Variants in TRMT11 observed in about 807,000 individuals in gnomAD.
TRMT11 encodes tRNA methyltransferase 11.
A neutral mutation model predicts 62.8 loss-of-function variants in TRMT11; 53 were observed. The observed-to-expected ratio is 0.84, with a 90% CI of 0.68 to 1.06. TRMT11 has a LOEUF of 1.06. Ranked by LOEUF, TRMT11 falls within the 50% of genes least tolerant of loss-of-function variation. TRMT11 has a pLI of 0.00. For missense variants in TRMT11, 556 were observed against 553.4 expected (o/e 1.00, Z -0.05); for synonymous variants, 188 against 190.3 (o/e 0.99, Z 0.10).
chr6:126,092,709 A>G (rs1318117889), intron 17 of TRMT11, among the ~76,000 whole-genome samples: 1 of 152,068 alleles, frequency 6.6e-6, no homozygotes, highest in East Asian at 1.9e-4. Context: ...TTTTGTTATG[A>G]TATTTGGAAT....
chr6:126,099,485 ACT>A (rs780563164), intron 17 of TRMT11, among the ~76,000 whole-genome samples: 5 of 152,206 alleles, frequency 3.3e-5, no homozygotes, highest in African/African-American at 4.8e-5. Flanking sequence ...TTTCCAGATG[ACT>A]CTGATCTACT....
intron 21 of TRMT11, among the ~76,000 whole-genome samples, chr6:126,127,777 G>A (rs1318114478): frequency 6.0e-5 from 9 of 151,134 alleles, no homozygotes; most frequent in Non-Finnish European, 7.4e-5. Context: ...GCCCGATCTC[G>A]TCCAAATCTT....
At chr6:126,202,900 T>G (rs997847929), downstream of TRMT11, among the ~76,000 whole-genome samples, 13 of 152,174 alleles carry the variant, frequency 8.5e-5, no homozygotes, top group African/African-American at 2.9e-4. Flanking sequence ...TTTATAGAAT[T>G]AGGATGATTT....
intron 21 of TRMT11, among the ~76,000 whole-genome samples, chr6:126,145,344 A>G (rs184061400): frequency 2.6e-5 from 4 of 152,280 alleles, no homozygotes; most frequent in East Asian, 1.9e-4. Flanking sequence ...AAAGAAAGAG[A>G]GCACAGAGAA....
At chr6:126,187,279 T>C (rs1337799253) in intron 1 of TRMT11, among the ~76,000 whole-genome samples, 2 of 151,948 alleles carry the variant, frequency 1.3e-5, no homozygotes, top group African/African-American at 2.4e-5. Flanking sequence ...AGATCCAAGA[T>C]TGATATAAAA....
At chr6:126,108,617 T>A (rs1777491716) in intron 17 of TRMT11, among the ~76,000 whole-genome samples, 1 of 152,186 alleles carries the variant, frequency 6.6e-6, no homozygotes, top group African/African-American at 2.4e-5. Flanking sequence ...AATCCACTCT[T>A]CACTGAGCTG....
intron 17 of TRMT11, among the ~76,000 whole-genome samples, chr6:126,100,543 G>T (rs765868069): frequency 5.3e-5 from 8 of 152,170 alleles, no homozygotes; most frequent in Admixed American, 4.6e-4. Context: ...GTGCTGTATG[G>T]ATTTGCTACA....
intron 17 of TRMT11, among the ~76,000 whole-genome samples, chr6:126,084,510 T>C (rs1434710467): frequency 6.6e-6 from 1 of 152,158 alleles, no homozygotes. Flanking sequence ...TTCCAATCCA[T>C]AGGCTACTGT....
downstream of TRMT11, among the ~76,000 whole-genome samples, chr6:126,207,318 G>T (rs1778800085): frequency 6.6e-6 from 1 of 152,156 alleles, no homozygotes; most frequent in East Asian, 1.9e-4. Context: ...GCTGGTAGAA[G>T]ACAAATCAGG....
At chr6:126,134,190 C>T (rs1003744535) in intron 21 of TRMT11, among the ~76,000 whole-genome samples, 2 of 151,802 alleles carry the variant, frequency 1.3e-5, no homozygotes, top group Non-Finnish European at 2.9e-5. Flanking sequence ...AAATTAGTCA[C>T]TTAAAAGACA....
At chr6:126,084,584 G>T (rs918716726) in intron 17 of TRMT11, among the ~76,000 whole-genome samples, 1 of 152,022 alleles carries the variant, frequency 6.6e-6, no homozygotes, top group Non-Finnish European at 1.5e-5. Flanking sequence ...TCTCATTTAT[G>T]TATTTTGCTT....
the TRMT11 span, among the ~76,000 whole-genome samples, chr6:126,243,790 G>A: frequency 6.6e-6 from 1 of 152,154 alleles, no homozygotes; most frequent in East Asian, 1.9e-4. Flanking sequence ...TGTGGGGTGG[G>A]CGGAGGTGGG....
chr6:126,123,308 G>A (rs1413692792), intron 21 of TRMT11, among the ~76,000 whole-genome samples: 1 of 152,014 alleles, frequency 6.6e-6, no homozygotes, highest in African/African-American at 2.4e-5. Flanking sequence ...ATCTTTTGGG[G>A]GCAGGAAGGG....
At chr6:126,028,625 G>A (rs1773626064) in intron 12 of TRMT11, among the ~76,000 whole-genome samples, 1 of 152,024 alleles carries the variant, frequency 6.6e-6, no homozygotes, top group South Asian at 2.1e-4. Context: ...ACTTTTTCTT[G>A]AGTTTACATC....
At chr6:126,036,768 A>T (rs1775266958) in intron 12 of TRMT11, among the ~76,000 whole-genome samples, 1 of 152,090 alleles carries the variant, frequency 6.6e-6, no homozygotes, top group Non-Finnish European at 1.5e-5. Context: ...TACCTGGAGG[A>T]GTAGTTGATG....
At chr6:126,075,358 G>A (rs1054332704) in intron 17 of TRMT11, among the ~76,000 whole-genome samples, 24 of 152,138 alleles carry the variant, frequency 1.6e-4, no homozygotes, top group African/African-American at 4.8e-4. Context: ...GTAATCCCAA[G>A]TGTTGGAGGA....
chr6:126,082,843 G>A (rs560908170), intron 17 of TRMT11, among the ~76,000 whole-genome samples: 3 of 152,092 alleles, frequency 2.0e-5, no homozygotes, highest in Non-Finnish European at 2.9e-5. Context: ...TACAATAAGC[G>A]TCACTGAAAA....
At chr6:126,236,638 A>G in the TRMT11 span, among the ~76,000 whole-genome samples, 1 of 152,216 alleles carries the variant, frequency 6.6e-6, no homozygotes, top group Admixed American at 6.5e-5. Flanking sequence ...AAATTTTTAT[A>G]TAATTTAGCT....
chr6:126,041,040 T>C (rs531656347), downstream of TRMT11, among the ~76,000 whole-genome samples: 9 of 152,268 alleles, frequency 5.9e-5, no homozygotes, highest in East Asian at 1.7e-3. Flanking sequence ...AATACAAGGA[T>C]TGAGCAATAA....
Sources: allele counts gnomAD v4.1 joint callset (sites outside exome capture counted in the v4.1 genomes callset), GRCh38; gene constraint gnomAD v4.1.1; transcripts MANE v1.5; gene names NCBI Gene and HGNC (gene_info 2026-07-23, HGNC 2026-07-21).